Variants in CLGN observed in about 807,000 individuals in gnomAD.
CLGN encodes testis tissue sperm-binding protein Li 79P.
In CLGN, 62 loss-of-function variants were observed where a neutral mutation model predicts 79.1. The ratio of observed to expected loss-of-function variants is 0.78; its 90% CI spans 0.64 to 0.97. The LOEUF (loss-of-function observed/expected upper bound fraction) is 0.97. Among genes scored for constraint, CLGN ranks in the 50% least tolerant of loss-of-function variants. The probability of loss-of-function intolerance (pLI) is 0.00; values close to 1 mark genes in which losing one functional copy is unlikely to be tolerated. For missense variants in CLGN, 647 were observed against 715.5 expected, an observed-to-expected ratio of 0.90 and a Z score of 1.09; for synonymous variants, 225 against 224.7, an observed-to-expected ratio of 1.00 and a Z score of -0.01.
At chr4:140,404,500 T>C (rs1266167294) in intron 5 of CLGN, among the ~76,000 whole-genome samples, 1 of 152,250 alleles carries the variant, frequency 6.6e-6, no homozygotes, top group East Asian at 1.9e-4. Flanking sequence ...AGTTATGTTG[T>C]AAATCAGCAT....
At chr4:140,415,524 A>C (rs1163549767) in intron 1 of CLGN, among the ~76,000 whole-genome samples, 6 of 152,210 alleles carry the variant, frequency 3.9e-5, no homozygotes, top group African/African-American at 1.4e-4. Context: ...AGCAAATGAA[A>C]AACAAAAAAA....
At chr4:140,404,322 T>A (rs989857721) in intron 5 of CLGN, among the ~76,000 whole-genome samples, 3 of 152,316 alleles carry the variant, frequency 2.0e-5, no homozygotes, top group South Asian at 2.1e-4. Flanking sequence ...CTTGATCTCC[T>A]GACCTCGTGA....
At chr4:140,425,231 C>G (rs1396423779) in intron 1 of CLGN, among the ~76,000 whole-genome samples, 2 of 152,174 alleles carry the variant, frequency 1.3e-5, no homozygotes, top group Non-Finnish European at 2.9e-5. Context: ...ATTGTCAGCC[C>G]TTGCCCATAA....
chr4:140,402,699 G>A (rs768248866), intron 5 of CLGN, among the ~76,000 whole-genome samples: 4 of 123,404 alleles, frequency 3.2e-5, no homozygotes, highest in Non-Finnish European at 6.9e-5. Context: ...ACAACACAGT[G>A]TAATTCTCAG....
intron 1 of CLGN, among the ~76,000 whole-genome samples, chr4:140,424,314 TTTC>T (rs1159505928): frequency 6.6e-6 from 1 of 152,194 alleles, no homozygotes; most frequent in Non-Finnish European, 1.5e-5. Flanking sequence ...TTTGTGAATT[TTTC>T]TTGTTTTCCT....
chr4:140,412,719 T>C (rs1415927934), intron 2 of CLGN, among the ~76,000 whole-genome samples: 1 of 152,220 alleles, frequency 6.6e-6, no homozygotes, highest in African/African-American at 2.4e-5. Context: ...CCCATATTTA[T>C]TTGTTTAAGA....
Position 140,400,360 on chromosome 4 carries a change from G to C in CLGN, c.691C>G (p.Leu231Val). 2 of 1,586,270 alleles carry C rather than the reference G, an allele frequency of 1.3e-6. No individual in the cohort carries two copies. The highest frequency in any genetic ancestry group is 1.7e-6 in the Non-Finnish European group (2 of 1,159,878). ...TGAATGAATTAAAAGGGTATACCAA[G>C]GGTATAAAGATGAGTCTTCCTGTCT... ...FTDRKTHLYT[L>V]VMNPDDTFEV... Residue 231 changes from leucine to valine, a missense_variant, in exon 7 of 15, where the codon CTT becomes GTT. Coordinates refer to ENST00000325617, the MANE Select transcript of CLGN (RefSeq NM_004362.3).
At chr4:140,414,938 G>C (rs1318880932) in intron 1 of CLGN, among the ~76,000 whole-genome samples, 1 of 150,332 alleles carries the variant, frequency 6.7e-6, no homozygotes, top group Admixed American at 6.6e-5. Context: ...AAATGTTAAG[G>C]GCAGCCAGAG....
chr4:140,411,406 AAGAGT>A (rs2126628337), intron 2 of CLGN, among the ~76,000 whole-genome samples: 1 of 152,234 alleles, frequency 6.6e-6, no homozygotes, highest in African/African-American at 2.4e-5. Flanking sequence ...AATAATTTAA[AAGAGT>A]AAAGACTGAT....
intron 8 of CLGN, 98 bp from the exon 9 acceptor site, chr4:140,396,303 T>C: frequency 9.8e-7 from 1 of 1,023,036 alleles, no homozygotes; most frequent in Non-Finnish European, 1.5e-6. Flanking sequence ...CCCTCCCTTT[T>C]GTTTGTGCCT....
At position 140,389,009 on chromosome 4, in the gene CLGN, T is replaced by C; in HGVS notation, c.*215A>G. Reference sequence around the variant, plus strand: ...GTATTAATCTCTTAGATCCGATATGTAATGTGCCACTTTTATTCTAAATTC... The same window carrying C: ...GTATTAATCTCTTAGATCCGATATGCAATGTGCCACTTTTATTCTAAATTC... On this transcript the variant is annotated 3_prime_UTR_variant, in exon 15 of 15. Transcript: ENST00000325617. 1.9e-6 allele frequency: 1 copy of C among 534,904 alleles called. No individual in the cohort carries two copies. Among genetic ancestry groups the C allele is most frequent in the South Asian group, 2.6e-5 (1 of 38,714 alleles). The allele number at this position is 534,904 out of a possible 1,614,324, so 33.1% of individuals were successfully genotyped here.
chr4:140,419,262 G>A (rs1481867715), intron 1 of CLGN, among the ~76,000 whole-genome samples: 2 of 152,218 alleles, frequency 1.3e-5, no homozygotes, highest in South Asian at 4.1e-4. Flanking sequence ...TAGATAACGA[G>A]TTAGTGGGTG....
intron 5 of CLGN, among the ~76,000 whole-genome samples, chr4:140,402,773 T>C (rs1729023506): frequency 6.6e-6 from 1 of 152,098 alleles, no homozygotes; most frequent in Non-Finnish European, 1.5e-5. Flanking sequence ...CAATGAGGCA[T>C]AGACTTACGA....
At chr4:140,423,665 T>C (rs1361281141) in intron 1 of CLGN, among the ~76,000 whole-genome samples, 3 of 152,198 alleles carry the variant, frequency 2.0e-5, no homozygotes, top group Admixed American at 2.0e-4. Flanking sequence ...GGCTTTTATC[T>C]GCTGGGAAGT....
intron 1 of CLGN, among the ~76,000 whole-genome samples, chr4:140,419,728 T>C (rs951621472): frequency 1.3e-5 from 2 of 152,170 alleles, no homozygotes; most frequent in African/African-American, 2.4e-5. Context: ...TATATATTTA[T>C]GGACAAAGAC....
At chr4:140,394,242 C>T (rs1182742580) in intron 10 of CLGN, among the ~76,000 whole-genome samples, 2 of 152,070 alleles carry the variant, frequency 1.3e-5, no homozygotes, top group Non-Finnish European at 2.9e-5. Flanking sequence ...ACGAGTGATA[C>T]TAACTTTAAA....
chr4:140,425,023 T>C (rs1304103186), intron 1 of CLGN, among the ~76,000 whole-genome samples: 1 of 152,228 alleles, frequency 6.6e-6, no homozygotes, highest in Non-Finnish European at 1.5e-5. Context: ...GCAGCTCATG[T>C]ACTGGTATTG....
Position 140,412,961 on chromosome 4 carries a change from C to T in CLGN, c.118G>A (p.Val40Ile), listed in dbSNP as rs1427235648. 4 of 1,613,234 alleles carry T rather than the reference C, an allele frequency of 2.5e-6. No homozygotes were observed. The highest frequency in any genetic ancestry group is 2.5e-6 in the Non-Finnish European group (3 of 1,179,632). Reference protein sequence around the residue: ...DFEENSEEIDVNESELSSEIK... With the variant: ...DFEENSEEIDINESELSSEIK... ...TCTGAGGAAAGTTCACTTTCATTAA[C>T]ATCAATTTCTTCTGAATTTTCTTCA... Residue 40 changes from valine to isoleucine, a missense_variant, in exon 2 of 15, where the codon GTT (valine) becomes ATT (isoleucine). Physicochemically the swap from Val to Ile is conservative, Grantham distance 29. Coordinates refer to ENST00000325617, the MANE Select transcript of CLGN (RefSeq NM_004362.3).
At chr4:140,417,416 T>C (rs1729362778) in intron 1 of CLGN, among the ~76,000 whole-genome samples, 1 of 144,098 alleles carries the variant, frequency 6.9e-6, no homozygotes, top group African/African-American at 2.6e-5. Context: ...AAATTGTCCC[T>C]GTTTGCAGAC....
Sources: allele counts gnomAD v4.1 joint callset (sites outside exome capture counted in the v4.1 genomes callset), GRCh38; gene constraint gnomAD v4.1.1; transcripts MANE v1.5; gene names NCBI Gene and HGNC (gene_info 2026-07-23, HGNC 2026-07-21).